Variants in RTTN observed in about 807,000 individuals in gnomAD.
The protein encoded by RTTN is rotatin.
In RTTN, 182 loss-of-function variants were observed where a neutral mutation model predicts 269.2. The observed-to-expected ratio is 0.68, with a 90% CI of 0.60 to 0.76. The LOEUF is 0.76. RTTN is among the 30% of genes least tolerant of loss of function. The probability of loss-of-function intolerance (pLI) is 0.00; values close to 1 mark genes in which losing one functional copy is unlikely to be tolerated. For synonymous variants in RTTN, 1,006 were observed against 963.5 expected (o/e 1.04, Z -0.82); for missense variants, 2,545 against 2,608.6 (o/e 0.98, Z 0.53).
chr18:70,062,326 A>T (rs557571002), intron 35 of RTTN, among the ~76,000 whole-genome samples: 11 of 151,622 alleles, frequency 7.3e-5, no homozygotes, highest in African/African-American at 2.7e-4. Context: ...AAGGGTCACT[A>T]TCCCACCCCT....
At chr18:70,167,948 A>T (rs1341165623) in intron 12 of RTTN, among the ~76,000 whole-genome samples, 1 of 151,944 alleles carries the variant, frequency 6.6e-6, no homozygotes, top group Non-Finnish European at 1.5e-5. Flanking sequence ...GGAGTTCAAG[A>T]CCAGCCTGGG....
At chr18:70,030,753 G>T in intron 41 of RTTN, 123 bp downstream of exon 41, 2 of 592,378 alleles carry the variant, frequency 3.4e-6, no homozygotes, top group African/African-American at 1.9e-5. Context: ...ATTATTTTTA[G>T]TGACACTGAG....
intron 14 of RTTN, among the ~76,000 whole-genome samples, chr18:70,153,593 G>A (rs1358817124): frequency 6.6e-6 from 1 of 152,104 alleles, no homozygotes; most frequent in East Asian, 1.9e-4. Flanking sequence ...AAGCTAACTT[G>A]CCTCTTCAGA....
intron 28 of RTTN, among the ~76,000 whole-genome samples, chr18:70,099,856 C>G (rs762976943): frequency 2.0e-5 from 3 of 152,258 alleles, no homozygotes; most frequent in East Asian, 1.9e-4. Flanking sequence ...CCCATTTCTT[C>G]TTTTTGTCAG....
chr18:70,198,783 G>A lies in RTTN; in HGVS notation c.578+631C>T, dbSNP rs142273964. On this transcript the variant is annotated intron_variant, in intron 5 of 48. Transcript: ENST00000640769. ...ATTCTGCCAAAAAGACTACATTTAT[G>A]TTCAATTTTCCATTTTTATCAATCA... Among the ~76,000 whole-genome samples the A allele has an allele frequency of 2.7e-4, 41 of 152,226 alleles. 1 individual carries two copies. Among genetic ancestry groups the A allele is most frequent in the African/African-American group, 7.9e-4 (33 of 41,534 alleles).
intron 35 of RTTN, among the ~76,000 whole-genome samples, chr18:70,064,294 C>T (rs540682120): frequency 4.7e-4 from 62 of 132,362 alleles, no homozygotes; most frequent in African/African-American, 1.5e-3. Flanking sequence ...GCCAAGATTG[C>T]GCCACTGCAC....
rs1213490287 is a variant in RTTN, at chr18:70,003,063, G to T, written c.*1088C>A. Reference sequence around the variant, plus strand: ...TTTTTTTTTTTTTTTTTGAGACAGAGTCTTGCTTTGTCACCCACGCTGGAA... The same window carrying T: ...TTTTTTTTTTTTTTTTTGAGACAGATTCTTGCTTTGTCACCCACGCTGGAA... On this transcript the variant is annotated 3_prime_UTR_variant, in exon 49 of 49. Coordinates refer to ENST00000640769, the MANE Select transcript of RTTN (RefSeq NM_173630.4). The T allele has an allele frequency of 9.7e-5, 11 of 113,416 alleles. No homozygotes were observed. The highest frequency in any genetic ancestry group is 2.5e-4 in the African/African-American group (8 of 31,484). 7.0% of individuals were successfully genotyped at this position (113,416 alleles called of 1,614,324 possible).
At chr18:70,033,349 A>T (rs1457909493) in intron 40 of RTTN, among the ~76,000 whole-genome samples, 3 of 152,246 alleles carry the variant, frequency 2.0e-5, no homozygotes, top group African/African-American at 7.2e-5. Flanking sequence ...GCAATGTAAG[A>T]ATGGTCTAAT....
chr18:70,202,010 T>G (rs771276758), intron 3 of RTTN, 27 bp from the exon 4 acceptor site: 34 of 1,301,954 alleles, frequency 2.6e-5, no homozygotes, highest in Middle Eastern at 1.8e-4. Context: ...CATTACTGTA[T>G]TGTCGATTCC....
At chr18:70,070,691 A>G (rs12953952) in intron 34 of RTTN, among the ~76,000 whole-genome samples, 113,613 of 152,132 alleles carry the variant, frequency 0.75, 49,570 homozygotes, top group East Asian at 1. Context: ...ACTAACTCCT[A>G]TCTGATTAGT....
chr18:70,051,738 G>A lies in RTTN; in HGVS notation c.5186-190C>T, dbSNP rs554591532. On this transcript the variant is annotated intron_variant, in intron 38 of 48. Transcript: ENST00000640769. ...TAACTTCTTTTCCATTGCTTCTTAA[G>A]ATATCTCCCCTCCACCCTCCTGCAT... Among the ~76,000 whole-genome samples, 3 of 152,150 alleles carry A rather than the reference G, an allele frequency of 2.0e-5. No homozygotes were observed. The South Asian group carries it at 6.2e-4, about 32-fold the overall frequency.
chr18:70,198,679 C>A (rs1192226420), intron 5 of RTTN, among the ~76,000 whole-genome samples: 1 of 152,166 alleles, frequency 6.6e-6, no homozygotes, highest in African/African-American at 2.4e-5. Flanking sequence ...ACAGTCATTA[C>A]ATTAGATTGG....
At chr18:70,065,067 T>C (rs1458711413) in intron 35 of RTTN, among the ~76,000 whole-genome samples, 2 of 152,066 alleles carry the variant, frequency 1.3e-5, no homozygotes, top group Non-Finnish European at 2.9e-5. Context: ...TGGAACACTG[T>C]TTAGGAAATT....
Position 70,168,884 on chromosome 18 carries a change from A to AG in RTTN, c.1659dup (p.Cys554LeufsTer2). Reference sequence around the variant, plus strand: ...TTCCCAATATCAGACAGGAAGTTACAGGTGCATTCAATTGAATAAACGGCC... The same window carrying AG: ...TTCCCAATATCAGACAGGAAGTTACAGGGTGCATTCAATTGAATAAACGGCC... On this transcript the variant is annotated frameshift_variant, in exon 12 of 49. Coordinates refer to ENST00000640769, the MANE Select transcript of RTTN (RefSeq NM_173630.4). LOFTEE classifies it high-confidence loss of function. 6.2e-7 allele frequency: 1 copy of AG among 1,612,184 alleles called. No homozygotes were observed. The highest frequency in any genetic ancestry group is 8.5e-7 in the Non-Finnish European group (1 of 1,179,300).
intron 21 of RTTN, 108 bp from the exon 22 acceptor site, chr18:70,135,388 C>A (rs2060100548): frequency 1.6e-6 from 1 of 640,586 alleles, no homozygotes; most frequent in Non-Finnish European, 2.6e-6. Context: ...AACATAAACC[C>A]AGATAAGGTG....
chr18:70,148,840 C>T (rs942883022), intron 17 of RTTN, 61 bp downstream of exon 17: 2 of 1,590,904 alleles, frequency 1.3e-6, no homozygotes, highest in Admixed American at 1.7e-5. Context: ...TATATAGTTA[C>T]TATACTTTCT....
chr18:70,099,872 T>C (rs938017311), intron 28 of RTTN, among the ~76,000 whole-genome samples: 16 of 152,240 alleles, frequency 1.1e-4, no homozygotes, highest in Non-Finnish European at 1.8e-4. Flanking sequence ...GTCAGGTTTG[T>C]CAAAGATCAG....
Position 70,109,494 on chromosome 18 carries a change from T to G in RTTN, c.3903+4A>C, listed in dbSNP as rs1423639630. The G allele has an allele frequency of 1.2e-6, 2 of 1,612,512 alleles. No homozygotes were observed. The highest frequency in any genetic ancestry group is 3.3e-5 in the Admixed American group (2 of 60,016). On this transcript the variant is annotated splice_donor_region_variant and intron_variant, in intron 28 of 48. Coordinates refer to ENST00000640769, the MANE Select transcript of RTTN (RefSeq NM_173630.4). ...AATAACTACCATATGCTATTTTTAC[T>G]TACCTCAAGGAGACCTGACAAGTAC...
chr18:70,074,055 A>C lies in RTTN; in HGVS notation c.4565-61T>G, dbSNP rs2058365645. ...TCCTAGGAACTGTAACAATTAATTA[A>C]AAGGGTACGCATTACAGGAAACCAA... On this transcript the variant is annotated intron_variant, in intron 33 of 48. Coordinates refer to ENST00000640769, the MANE Select transcript of RTTN (RefSeq NM_173630.4). The C allele has an allele frequency of 3.4e-6, 4 of 1,173,000 alleles. No homozygotes were observed. The Admixed American group carries it at 7.1e-5, about 21-fold the overall frequency. 72.7% of individuals were successfully genotyped at this position (1,173,000 alleles called of 1,614,324 possible).
Sources: allele counts gnomAD v4.1 joint callset (sites outside exome capture counted in the v4.1 genomes callset), GRCh38; gene constraint gnomAD v4.1.1; transcripts MANE v1.5; gene names NCBI Gene and HGNC (gene_info 2026-07-23, HGNC 2026-07-21).